Variants in ATP2B2 observed in about 807,000 individuals in gnomAD.
The protein encoded by ATP2B2 is plasma membrane calcium-transporting ATPase 2.
ATP2B2 carries 15 observed loss-of-function variants against 120.0 expected under a neutral mutation model. That is an observed-to-expected ratio of 0.12 (90% CI 0.08 to 0.19). The LOEUF is 0.19. ATP2B2 is among the 10% of genes least tolerant of loss of function. The probability of loss-of-function intolerance (pLI) is 1.00; values close to 1 mark genes in which losing one functional copy is unlikely to be tolerated. For missense variants in ATP2B2, 1,045 were observed against 1,719.8 expected, an observed-to-expected ratio of 0.61 and a Z score of 6.94; for synonymous variants, 694 against 700.3, an observed-to-expected ratio of 0.99 and a Z score of 0.14.
At chr3:10,520,662 G>A (rs769928572) in intron 3 of ATP2B2, among the ~76,000 whole-genome samples, 39 of 151,608 alleles carry the variant, frequency 2.6e-4, no homozygotes, top group South Asian at 4.2e-4. Flanking sequence ...CTGGGGTTTC[G>A]CCAGGTTGGT....
chr3:10,362,685 C>G (rs1472362304), intron 12 of ATP2B2, among the ~76,000 whole-genome samples: 3 of 152,174 alleles, frequency 2.0e-5, no homozygotes, highest in Non-Finnish European at 4.4e-5. Context: ...GCCATACTGA[C>G]CTAAGGCATC....
At chr3:10,684,585 C>T (rs1216461191) in intron 1 of ATP2B2, among the ~76,000 whole-genome samples, 1 of 152,242 alleles carries the variant, frequency 6.6e-6, no homozygotes, top group African/African-American at 2.4e-5. Flanking sequence ...AGGCCTGCCA[C>T]TGATATGCTA....
chr3:10,443,102 C>G (rs1274225322), intron 2 of ATP2B2, among the ~76,000 whole-genome samples: 1 of 152,200 alleles, frequency 6.6e-6, no homozygotes, highest in Non-Finnish European at 1.5e-5. Context: ...ACTAACGGTG[C>G]CGTGGTTTGG....
chr3:10,559,663 C>A (rs1455895145), intron 2 of ATP2B2, among the ~76,000 whole-genome samples: 4 of 152,224 alleles, frequency 2.6e-5, no homozygotes, highest in Admixed American at 1.3e-4. Flanking sequence ...AGCCCCCCGA[C>A]TTCCAATCCC....
At chr3:10,531,342 T>C (rs1386179452) in intron 3 of ATP2B2, among the ~76,000 whole-genome samples, 2 of 152,238 alleles carry the variant, frequency 1.3e-5, no homozygotes, top group East Asian at 3.9e-4. Context: ...CAGCAGATGC[T>C]ACTTCTTCCA....
intron 2 of ATP2B2, among the ~76,000 whole-genome samples, chr3:10,541,299 C>T (rs2067434447): frequency 6.6e-6 from 1 of 151,828 alleles, no homozygotes; most frequent in African/African-American, 2.4e-5. Context: ...TATTTCCTTT[C>T]TTCTGTTTGG....
At chr3:10,427,546 CCCTT>C (rs1476093207) in intron 2 of ATP2B2, among the ~76,000 whole-genome samples, 1 of 152,140 alleles carries the variant, frequency 6.6e-6, no homozygotes, top group Non-Finnish European at 1.5e-5. Context: ...TCATTCATTC[CCCTT>C]CCTTTTCTTT....
At chr3:10,706,282 G>T (rs966292080) in intron 1 of ATP2B2, among the ~76,000 whole-genome samples, 1 of 152,224 alleles carries the variant, frequency 6.6e-6, no homozygotes, top group Non-Finnish European at 1.5e-5. Flanking sequence ...CTCGCACAGA[G>T]GTGTGGAGAA....
intron 3 of ATP2B2, among the ~76,000 whole-genome samples, chr3:10,406,688 C>T (rs1457094196): frequency 1.3e-5 from 2 of 152,200 alleles, no homozygotes; most frequent in Non-Finnish European, 2.9e-5. Context: ...ATGTCCCTGT[C>T]GTTAAGCGAC....
chr3:10,648,272 G>A lies in ATP2B2; in HGVS notation c.-459-28311C>T, dbSNP rs535908366. ...CCTATTCCCCACCCCTCCACCTGGAGACAATCTCTTCCCTTGGCTGCCCTG... is the reference window on the plus strand; with the variant it reads ...CCTATTCCCCACCCCTCCACCTGGAAACAATCTCTTCCCTTGGCTGCCCTG... On this transcript the variant is annotated intron_variant, in intron 1 of 21. Transcript: ENST00000646379. Among the ~76,000 whole-genome samples, 129 of 152,258 alleles carry A rather than the reference G, an allele frequency of 8.5e-4. 1 individual carries two copies. The highest frequency in any genetic ancestry group is 1.1e-3 in the Non-Finnish European group (76 of 68,014).
chr3:10,702,006 C>G (rs2071827172), intron 1 of ATP2B2, among the ~76,000 whole-genome samples: 1 of 152,216 alleles, frequency 6.6e-6, no homozygotes, highest in African/African-American at 2.4e-5. Context: ...CAACCTCCCC[C>G]TTATCAGGGC....
chr3:10,375,262 G>GA lies in ATP2B2; in HGVS notation c.1416+167dup, dbSNP rs2125519888. Among the ~76,000 whole-genome samples, 2 of 152,254 alleles carry GA rather than the reference G, an allele frequency of 1.3e-5. No homozygotes were observed. Among genetic ancestry groups the GA allele is most frequent in the South Asian group, 4.1e-4 (2 of 4,828 alleles). On this transcript the variant is annotated intron_variant, in intron 11 of 22. Coordinates refer to ENST00000360273, the MANE Select transcript of ATP2B2 (RefSeq NM_001001331.4). The surrounding 1 kb of genome is among the most constrained non-coding windows in gnomAD (Gnocchi z 4.2). ...TTTGCTACAGGCCCCTGGACTCTATGAAAGCGTCAGAGTTTTGGGGTCCTG... is the reference window on the plus strand; with the variant it reads ...TTTGCTACAGGCCCCTGGACTCTATGAAAAGCGTCAGAGTTTTGGGGTCCTG...
chr3:10,701,255 C>G (rs952758122), intron 1 of ATP2B2, among the ~76,000 whole-genome samples: 6 of 152,336 alleles, frequency 3.9e-5, no homozygotes. Context: ...CTATACCAGT[C>G]TCATATACGA....
intron 2 of ATP2B2, among the ~76,000 whole-genome samples, chr3:10,418,847 G>A (rs2125054667): frequency 6.6e-6 from 1 of 152,318 alleles, no homozygotes; most frequent in South Asian, 2.1e-4. Context: ...AGTCACCCAG[G>A]CCACCGGGGT....
At chr3:10,336,463 G>A (rs1019689673) in intron 22 of ATP2B2, among the ~76,000 whole-genome samples, 7 of 152,192 alleles carry the variant, frequency 4.6e-5, no homozygotes, top group Non-Finnish European at 8.8e-5. Flanking sequence ...TCTGAAAAAC[G>A]TCTGCTCAGC....
At chr3:10,583,747 G>C (rs1413646035) in intron 2 of ATP2B2, among the ~76,000 whole-genome samples, 1 of 152,186 alleles carries the variant, frequency 6.6e-6, no homozygotes, top group Non-Finnish European at 1.5e-5. Context: ...GATGTCTCTG[G>C]TGGGTTCGGA....
chr3:10,679,336 A>C (rs995752877), intron 1 of ATP2B2, among the ~76,000 whole-genome samples: 1 of 152,234 alleles, frequency 6.6e-6, no homozygotes, highest in Non-Finnish European at 1.5e-5. Context: ...GAGAAAATGC[A>C]TGTGCTGTCT....
At chr3:10,434,427 C>T (rs1299261067) in intron 2 of ATP2B2, among the ~76,000 whole-genome samples, 1 of 152,174 alleles carries the variant, frequency 6.6e-6, no homozygotes, top group Non-Finnish European at 1.5e-5. Context: ...CAGTGGGAGC[C>T]ACAGGGTTTT....
chr3:10,700,413 T>C (rs1423686191), intron 1 of ATP2B2, among the ~76,000 whole-genome samples: 1 of 152,162 alleles, frequency 6.6e-6, no homozygotes, highest in Non-Finnish European at 1.5e-5. Context: ...AGTAAAGGCC[T>C]GGAGATGTGC....
Sources: gnomAD v4.1 joint callset for allele counts (sites outside exome capture counted in the v4.1 genomes callset) on GRCh38, gnomAD v4.1.1 for gene constraint, Gnocchi (gnomAD v3.1) non-coding constraint, MANE v1.5 for transcripts, NCBI Gene and HGNC (gene_info 2026-07-23, HGNC 2026-07-21) for gene names.